TENM2: variants seen among roughly 807,000 people sequenced by gnomAD.
TENM2 encodes teneurin-2.
Under a neutral mutation model 245.2 loss-of-function variants are expected in TENM2, and 52 were observed. The ratio of observed to expected loss-of-function variants is 0.21; its 90% CI spans 0.17 to 0.27. The LOEUF (loss-of-function observed/expected upper bound fraction) is 0.27. Among genes scored for constraint, TENM2 ranks in the 10% least tolerant of loss-of-function variants. The pLI is 1.00. For missense variants in TENM2, 3,046 were observed against 3,666.8 expected (o/e 0.83, Z 4.37); for synonymous variants, 1,363 against 1,438.9 (o/e 0.95, Z 1.19).
chr5:167,962,954 T>A (rs1474801404), intron 4 of TENM2, among the ~76,000 whole-genome samples: 1 of 152,190 alleles, frequency 6.6e-6, no homozygotes, highest in Non-Finnish European at 1.5e-5. Context: ...GAGTCCCTTG[T>A]GTATGCCAAG....
At chr5:167,087,069 G>A in the TENM2 span, among the ~76,000 whole-genome samples, 1 of 152,016 alleles carries the variant, frequency 6.6e-6, no homozygotes, top group Non-Finnish European at 1.5e-5. Context: ...TATGGTGCAA[G>A]CTGTTCAAGA....
intron 2 of TENM2, among the ~76,000 whole-genome samples, chr5:167,554,583 T>C (rs1773144526): frequency 6.6e-6 from 1 of 152,180 alleles, no homozygotes. Context: ...CTAAGCGACT[T>C]TTATGGTTAA....
chr5:167,066,001 A>G, the TENM2 span, among the ~76,000 whole-genome samples: 1 of 152,276 alleles, frequency 6.6e-6, no homozygotes, highest in East Asian at 1.9e-4. Context: ...TTGATGAACC[A>G]TTAAGTGGTC....
intron 2 of TENM2, among the ~76,000 whole-genome samples, chr5:167,657,049 T>C (rs1754889634): frequency 6.6e-6 from 1 of 151,946 alleles, no homozygotes; most frequent in Non-Finnish European, 1.5e-5. Context: ...TACAAAACAC[T>C]TGAACGTATT....
At chr5:167,901,860 A>C (rs1045425431) in intron 3 of TENM2, among the ~76,000 whole-genome samples, 3 of 152,216 alleles carry the variant, frequency 2.0e-5, no homozygotes, top group Admixed American at 6.5e-5. Flanking sequence ...TTGCATATCT[A>C]TACTTATTTC....
At chr5:167,457,435 C>T (rs912536847) in intron 2 of TENM2, among the ~76,000 whole-genome samples, 7 of 152,026 alleles carry the variant, frequency 4.6e-5, no homozygotes, top group Admixed American at 1.3e-4. Context: ...CGGGTTCAAG[C>T]GATTCTCCTG....
the TENM2 span, chr5:167,168,550 A>G: frequency 6.6e-6 from 1 of 152,312 alleles, no homozygotes; most frequent in African/African-American, 2.4e-5. Flanking sequence ...CTTCTTCTGC[A>G]TAGTAAAAGA....
At chr5:167,018,315 AT>A in the TENM2 span, among the ~76,000 whole-genome samples, 5 of 152,134 alleles carry the variant, frequency 3.3e-5, no homozygotes, top group African/African-American at 1.2e-4. Flanking sequence ...CAGCCCTGTG[AT>A]TCAGGCAACA....
chr5:167,541,259 TC>T (rs1772194193), intron 2 of TENM2, among the ~76,000 whole-genome samples: 1 of 152,156 alleles, frequency 6.6e-6, no homozygotes, highest in African/African-American at 2.4e-5. Flanking sequence ...CTCGTAAAAA[TC>T]TCTGTTCATT....
intron 23 of TENM2, 77 bp downstream of exon 25, chr5:168,219,076 G>T: frequency 7.0e-7 from 1 of 1,428,172 alleles, no homozygotes; most frequent in Non-Finnish European, 9.5e-7. Context: ...CGCTTGTGTA[G>T]CTTTTTAAAT....
intron 5 of TENM2, among the ~76,000 whole-genome samples, chr5:168,043,377 C>T (rs1788360354): frequency 6.6e-6 from 1 of 152,104 alleles, no homozygotes; most frequent in South Asian, 2.1e-4. Flanking sequence ...GCGTGAGCCA[C>T]CCCATCCAGC....
intron 2 of TENM2, among the ~76,000 whole-genome samples, chr5:167,639,479 A>G (rs1354715591): frequency 6.6e-6 from 1 of 152,192 alleles, no homozygotes; most frequent in African/African-American, 2.4e-5. Context: ...ACCACTTGCT[A>G]CACAATTGGC....
intron 13 of TENM2, among the ~76,000 whole-genome samples, chr5:168,171,772 T>C (rs757268592): frequency 6.6e-6 from 1 of 152,118 alleles, no homozygotes; most frequent in African/African-American, 2.4e-5. Context: ...TGAAAAAAAA[T>C]TTTAATCATG....
At chr5:167,485,095 C>T (rs1227853689) in intron 2 of TENM2, among the ~76,000 whole-genome samples, 1 of 152,182 alleles carries the variant, frequency 6.6e-6, no homozygotes, top group African/African-American at 2.4e-5. Flanking sequence ...TTGAGGTCTT[C>T]ATCCAGCCGG....
At chr5:167,496,740 A>G (rs1027451748) in intron 2 of TENM2, among the ~76,000 whole-genome samples, 4 of 152,214 alleles carry the variant, frequency 2.6e-5, no homozygotes, top group East Asian at 1.9e-4. Flanking sequence ...CTTGTATTCA[A>G]TTAGGGATGT....
chr5:167,922,851 G>T (rs1777472740), intron 3 of TENM2, among the ~76,000 whole-genome samples: 1 of 152,128 alleles, frequency 6.6e-6, no homozygotes, highest in Admixed American at 6.5e-5. Context: ...TGTCTTCCTT[G>T]TTTATTGCTC....
intron 2 of TENM2, among the ~76,000 whole-genome samples, chr5:167,797,454 A>T (rs1292683638): frequency 6.6e-6 from 1 of 152,172 alleles, no homozygotes; most frequent in Admixed American, 6.5e-5. Context: ...GTCTTCATCA[A>T]ACTACCCATT....
At chr5:167,645,370 T>C (rs747941493) in intron 2 of TENM2, among the ~76,000 whole-genome samples, 2 of 152,110 alleles carry the variant, frequency 1.3e-5, no homozygotes, top group Non-Finnish European at 2.9e-5. Flanking sequence ...GAAAAAGCAA[T>C]GTTCAAACGC....
intron 12 of TENM2, chr5:168,130,261 A>G (rs1246551260): frequency 6.6e-6 from 1 of 152,240 alleles, no homozygotes; most frequent in Non-Finnish European, 1.5e-5. Flanking sequence ...TTTAAATATA[A>G]GGTATAAGAC....
Sources: gnomAD v4.1 joint callset for allele counts (sites outside exome capture counted in the v4.1 genomes callset) on GRCh38, gnomAD v4.1.1 for gene constraint, MANE v1.5 for transcripts, NCBI Gene and HGNC (gene_info 2026-07-23, HGNC 2026-07-21) for gene names.